Variants in HMG20A observed in about 807,000 individuals in gnomAD.
HMG20A encodes high mobility group 20A.
In HMG20A, 17 loss-of-function variants were observed where a neutral mutation model predicts 43.9. The observed-to-expected ratio is 0.39, with a 90% CI of 0.27 to 0.58. HMG20A has a LOEUF of 0.58. HMG20A is among the 20% of genes least tolerant of loss of function. HMG20A has a pLI of 0.59. For synonymous variants in HMG20A, 132 were observed against 147.5 expected (o/e 0.89, Z 0.76); for missense variants, 341 against 438.2 (o/e 0.78, Z 1.98).
At chr15:77,423,239 T>C (rs2073389774) in intron 1 of HMG20A, among the ~76,000 whole-genome samples, 1 of 152,192 alleles carries the variant, frequency 6.6e-6, no homozygotes, top group Admixed American at 6.5e-5. Flanking sequence ...TATTTTGTGA[T>C]AAGTGGCAGT....
intron 4 of HMG20A, 26 bp downstream of exon 4, chr15:77,467,333 T>C (rs2072766090): frequency 6.4e-7 from 1 of 1,557,974 alleles, no homozygotes; most frequent in Middle Eastern, 1.7e-4. Flanking sequence ...CCTGACTCTT[T>C]GTTTGGTTTT....
chr15:77,499,183 C>T, the HMG20A span, among the ~76,000 whole-genome samples: 1 of 152,266 alleles, frequency 6.6e-6, no homozygotes, highest in East Asian at 1.9e-4. Flanking sequence ...TCTAAAATCC[C>T]GACACTTAGG....
At chr15:77,464,565 A>G (rs1242917763) in intron 3 of HMG20A, 178 bp downstream of exon 3, 10 of 506,500 alleles carry the variant, frequency 2.0e-5, no homozygotes, top group Non-Finnish European at 2.5e-5. Context: ...TTTTAATGAC[A>G]TAGACAGGTA....
the HMG20A span, among the ~76,000 whole-genome samples, chr15:77,498,368 T>C: frequency 1.3e-5 from 2 of 152,206 alleles, no homozygotes; most frequent in Non-Finnish European, 2.9e-5. Flanking sequence ...AGAGCTCACG[T>C]TGAAAGTCCA....
Position 77,483,060 on chromosome 15 carries a change from AAG to A in HMG20A, c.*100_*101del, listed in dbSNP as rs2072918400. On this transcript the variant is annotated 3_prime_UTR_variant, in exon 10 of 10. Coordinates refer to ENST00000336216, the MANE Select transcript of HMG20A (RefSeq NM_001304504.2). ...AATTTGAACTGAGTGGGGGCAGAGA[AAG>A]AGTGCAGATCCCTTTGCTTGTGAAA... is the stretch of plus-strand genomic sequence containing the variant. The A allele has an allele frequency of 6.6e-6, 1 of 152,254 alleles. No individual in the cohort carries two copies. Among genetic ancestry groups the A allele is most frequent in the Non-Finnish European group, 1.5e-5 (1 of 68,078 alleles). The allele number at this position is 152,254 out of a possible 1,614,324, so 9.4% of individuals were successfully genotyped here.
rs1359142396 is a variant in HMG20A, at chr15:77,483,331, C to T, written c.*368C>T. ...AAAGGAAGACTTTTCATTGTAATTT[C>T]GCTTAGACCCTTTTATCAGTGGAGC... On this transcript the variant is annotated 3_prime_UTR_variant, in exon 10 of 10. Coordinates refer to ENST00000336216, the MANE Select transcript of HMG20A (RefSeq NM_001304504.2). 6.6e-6 allele frequency: 1 copy of T among 152,238 alleles called. No homozygotes were observed. The highest frequency in any genetic ancestry group is 1.9e-4 in the East Asian group (1 of 5,206). 9.4% of individuals were successfully genotyped at this position (152,238 alleles called of 1,614,324 possible).
chr15:77,464,575 AGACTCTTT>A (rs752337705), intron 3 of HMG20A, 188 bp downstream of exon 3: 5 of 478,868 alleles, frequency 1.0e-5, no homozygotes, highest in Non-Finnish European at 1.9e-5. Context: ...ATAGACAGGT[AGACTCTTT>A]TTTCCCTGTT....
At chr15:77,502,044 C>A in the HMG20A span, among the ~76,000 whole-genome samples, 1 of 152,100 alleles carries the variant, frequency 6.6e-6, no homozygotes, top group Non-Finnish European at 1.5e-5. Flanking sequence ...TGTTTCTCTA[C>A]CGCCTGTAGG....
rs1457717797 is a variant in HMG20A at position 77,485,534 on chromosome 15, TTTTC to T, written c.*2575_*2578del. The stretch of plus-strand genomic sequence containing the variant: ...GTGTTTTTGTAATTAAACTTTCAGA[TTTTC>T]TTTGTTTTTTAAGAAGTTGATGTGC... On this transcript the variant is annotated 3_prime_UTR_variant, in exon 10 of 10. Transcript: ENST00000336216. The T allele has an allele frequency of 4.6e-5, 7 of 152,676 alleles. No homozygotes were observed. The highest frequency in any genetic ancestry group is 1.0e-4 in the Non-Finnish European group (7 of 68,048). The allele number at this position is 152,676 out of a possible 1,614,324, so 9.5% of individuals were successfully genotyped here.
chr15:77,477,906 G>A (rs2072870659), intron 7 of HMG20A, among the ~76,000 whole-genome samples: 2 of 152,194 alleles, frequency 1.3e-5, no homozygotes, highest in Admixed American at 1.3e-4. Context: ...TATAAAATAA[G>A]TAAGAGCAAG....
At chr15:77,441,485 C>T (rs1438070164) in intron 1 of HMG20A, among the ~76,000 whole-genome samples, 2 of 152,070 alleles carry the variant, frequency 1.3e-5, no homozygotes, top group Admixed American at 6.5e-5. Flanking sequence ...GACAGCTAAA[C>T]AAATTTGAAG....
the HMG20A span, among the ~76,000 whole-genome samples, chr15:77,509,946 C>T: frequency 1.3e-5 from 2 of 151,576 alleles, no homozygotes; most frequent in Non-Finnish European, 2.9e-5. Context: ...ATGTTTCAGG[C>T]CCCTAAAACC....
At chr15:77,499,265 C>G in the HMG20A span, among the ~76,000 whole-genome samples, 2 of 152,306 alleles carry the variant, frequency 1.3e-5, no homozygotes, top group South Asian at 4.2e-4. Context: ...TAAAACAGCT[C>G]AGAGCTGAGT....
the HMG20A span, among the ~76,000 whole-genome samples, chr15:77,500,951 T>C: frequency 6.6e-6 from 1 of 152,208 alleles, no homozygotes; most frequent in Non-Finnish European, 1.5e-5. Context: ...TCCTTCCTGC[T>C]CTGCAAGCCC....
At chr15:77,464,630 G>T in intron 3 of HMG20A, 1 of 336,292 alleles carries the variant, frequency 3.0e-6, no homozygotes. Flanking sequence ...ATTAGATGTT[G>T]AACAAATACT....
At chr15:77,517,498 A>G in the HMG20A span, among the ~76,000 whole-genome samples, 3 of 151,260 alleles carry the variant, frequency 2.0e-5, no homozygotes, top group Non-Finnish European at 4.4e-5. Context: ...GCAGTATTTT[A>G]TTTAAAAGCA....
chr15:77,426,064 G>A (rs534324777), intron 1 of HMG20A, among the ~76,000 whole-genome samples: 1 of 152,284 alleles, frequency 6.6e-6, no homozygotes, highest in Non-Finnish European at 1.5e-5. Context: ...GTCTAGATTA[G>A]GCAAAACTAA....
At chr15:77,482,837 C>T (rs192400334) in intron 9 of HMG20A, 133 bp from the exon 10 acceptor site, 3 of 152,214 alleles carry the variant, frequency 2.0e-5, no homozygotes, top group African/African-American at 4.8e-5. Context: ...CCTGCACTCA[C>T]TTTAACGCTT....
In HMG20A at chr15:77,467,316, T is replaced by C. The variant is rs1437369176; in HGVS notation, c.450+9T>C. On this transcript the variant is annotated intron_variant, in intron 4 of 9. Coordinates refer to ENST00000336216, the MANE Select transcript of HMG20A (RefSeq NM_001304504.2). ...CTCCTGAGGAAAAACAGGTAATTGT[T>C]CCTATTCCTGACTCTTTGTTTGGTT... 1 of 1,596,324 alleles carries C rather than the reference T, an allele frequency of 6.3e-7. No homozygotes were observed. The highest frequency in any genetic ancestry group is 1.1e-5 in the South Asian group (1 of 90,676).
Sources: allele counts gnomAD v4.1 joint callset (sites outside exome capture counted in the v4.1 genomes callset), GRCh38; gene constraint gnomAD v4.1.1; transcripts MANE v1.5; gene names NCBI Gene and HGNC (gene_info 2026-07-23, HGNC 2026-07-21).